Variants in PPP2R5C observed in about 807,000 individuals in gnomAD.
PPP2R5C encodes serine/threonine-protein phosphatase 2A 56 kDa regulatory subunit gamma isoform.
PPP2R5C carries 7 observed loss-of-function variants against 68.9 expected under a neutral mutation model. That is an observed-to-expected ratio of 0.10 (90% CI 0.06 to 0.19). The LOEUF (loss-of-function observed/expected upper bound fraction) is 0.19, where lower values mean the gene tolerates loss of function less well. Ranked by LOEUF, PPP2R5C falls within the 10% of genes least tolerant of loss-of-function variation. The probability of loss-of-function intolerance (pLI) is 1.00; values close to 1 mark genes in which losing one functional copy is unlikely to be tolerated. For missense variants in PPP2R5C, 348 were observed against 641.3 expected, an observed-to-expected ratio of 0.54 and a Z score of 4.94; for synonymous variants, 210 against 222.2, an observed-to-expected ratio of 0.95 and a Z score of 0.49.
chr14:101,876,657 A>C (rs1440638588), intron 2 of PPP2R5C, among the ~76,000 whole-genome samples: 1 of 152,226 alleles, frequency 6.6e-6, no homozygotes, highest in Non-Finnish European at 1.5e-5. Flanking sequence ...GTAAGTACTG[A>C]AAGTGGAAGT....
At chr14:101,846,261 G>A (rs75938019) in intron 1 of PPP2R5C, among the ~76,000 whole-genome samples, 1,666 of 152,292 alleles carry the variant, frequency 0.011, 34 homozygotes, top group African/African-American at 0.036. Flanking sequence ...CCTGAGCAGA[G>A]GCACATGTGT....
At chr14:101,829,062 A>G (rs1318716040) in intron 1 of PPP2R5C, among the ~76,000 whole-genome samples, 5 of 152,166 alleles carry the variant, frequency 3.3e-5, no homozygotes, top group Non-Finnish European at 5.9e-5. Flanking sequence ...AAATATCCTC[A>G]GGATAAATCT....
rs142445018 is a variant in PPP2R5C at position 101,866,524 on chromosome 14, G to T, written c.294+9639G>T. The stretch of plus-strand genomic sequence containing the variant: ...ATCTCTACTAAAAATACAAAAATTA[G>T]CTGGGCATGGTGTTGCACACCTGTA... On this transcript the variant is annotated intron_variant, in intron 2 of 13. Transcript: ENST00000334743. Among the ~76,000 whole-genome samples the T allele has an allele frequency of 7.7e-3, 1,171 of 152,220 alleles. 12 individuals are homozygous for T. Among genetic ancestry groups the T allele is most frequent in the African/African-American group, 0.022 (913 of 41,514 alleles).
At chr14:101,919,969 C>CCAAAAAAAAAAAAAAAAAAAAAAAAA (rs775818748) in intron 13 of PPP2R5C, among the ~76,000 whole-genome samples, 2 of 52,880 alleles carry the variant, frequency 3.8e-5, no homozygotes, top group African/African-American at 1.8e-4. Context: ...AACTCCGTCT[C>CCAAAAAAAAAAAAAAAAAAAAAAAAA]AAAAAAAAAA....
chr14:101,919,975 A>AAAAAAAAAAAAAC (rs2046918103), intron 13 of PPP2R5C, among the ~76,000 whole-genome samples: 2 of 148,662 alleles, frequency 1.3e-5, no homozygotes, highest in Admixed American at 6.6e-5. Flanking sequence ...GTCTCAAAAA[A>AAAAAAAAAAAAAC]AAAAAAAAAA....
At chr14:101,918,017 G>A in intron 13 of PPP2R5C, 70 bp downstream of exon 15, 5 of 1,603,270 alleles carry the variant, frequency 3.1e-6, no homozygotes, top group Non-Finnish European at 4.3e-6. Flanking sequence ...TTTTGTAGGC[G>A]ATGTGATTTG....
intron 13 of PPP2R5C, among the ~76,000 whole-genome samples, chr14:101,922,488 CAAAAAT>C (rs1194003649): frequency 5.0e-5 from 5 of 99,872 alleles, no homozygotes; most frequent in African/African-American, 7.5e-5. Flanking sequence ...GACTCTGTGT[CAAAAAT>C]AAATATAAAA....
intron 2 of PPP2R5C, among the ~76,000 whole-genome samples, chr14:101,864,986 A>G (rs1230088442): frequency 1.3e-5 from 2 of 152,288 alleles, no homozygotes; most frequent in Admixed American, 6.5e-5. Context: ...GATGGCAGAG[A>G]GAAATGGGCA....
At chr14:101,761,478 A>C (rs1401168528), upstream of PPP2R5C, among the ~76,000 whole-genome samples, 1 of 140,418 alleles carries the variant, frequency 7.1e-6, no homozygotes, top group African/African-American at 2.9e-5. Context: ...CGGGGGCGTG[A>C]ACGGGTCGCG....
intron 1 of PPP2R5C, among the ~76,000 whole-genome samples, chr14:101,852,269 G>A (rs866927479): frequency 6.6e-6 from 1 of 152,010 alleles, no homozygotes; most frequent in African/African-American, 2.4e-5. Flanking sequence ...CCAGTGAAAC[G>A]CATTCAATTT....
chr14:101,772,328 G>C (rs1388911105), intron 2 of PPP2R5C, among the ~76,000 whole-genome samples: 2 of 151,902 alleles, frequency 1.3e-5, no homozygotes, highest in Non-Finnish European at 2.9e-5. Flanking sequence ...GTCTGTGGTT[G>C]GCCTACACCT....
intron 1 of PPP2R5C, chr14:101,824,076 G>C (rs1215662995): frequency 7.8e-7 from 1 of 1,289,028 alleles, no homozygotes; most frequent in Non-Finnish European, 1.0e-6. Flanking sequence ...CAGACTCCAG[G>C]ACTGACTTTC....
At chr14:101,894,214 G>C (rs977973116) in intron 7 of PPP2R5C, among the ~76,000 whole-genome samples, 1 of 152,194 alleles carries the variant, frequency 6.6e-6, no homozygotes, top group Admixed American at 6.5e-5. Context: ...ATGACTCGTT[G>C]ATTGTAGTCT....
intron 1 of PPP2R5C, among the ~76,000 whole-genome samples, chr14:101,810,817 A>G (rs961412815): frequency 5.3e-5 from 8 of 152,198 alleles, no homozygotes; most frequent in African/African-American, 1.9e-4. Context: ...TACTCTAGTA[A>G]TTAATAGCGG....
intron 13 of PPP2R5C, among the ~76,000 whole-genome samples, chr14:101,924,690 C>G (rs922966059): frequency 5.9e-5 from 9 of 152,008 alleles, no homozygotes; most frequent in African/African-American, 2.2e-4. Context: ...ATCCGTCCGC[C>G]TCGGCCTCCC....
intron 1 of PPP2R5C, among the ~76,000 whole-genome samples, chr14:101,811,036 G>C (rs1178892444): frequency 6.6e-6 from 1 of 152,188 alleles, no homozygotes; most frequent in Non-Finnish European, 1.5e-5. Context: ...AAGATTTCTA[G>C]GTGACTAATA....
intron 3 of PPP2R5C, among the ~76,000 whole-genome samples, chr14:101,796,198 T>C (rs2038599202): frequency 6.6e-6 from 1 of 152,222 alleles, no homozygotes; most frequent in African/African-American, 2.4e-5. Context: ...TATGCATATA[T>C]TTACAGGAAC....
intron 3 of PPP2R5C, among the ~76,000 whole-genome samples, chr14:101,802,107 A>AC (rs1367491918): frequency 1.3e-5 from 2 of 152,214 alleles, no homozygotes; most frequent in African/African-American, 4.8e-5. Flanking sequence ...CTGGGTACTC[A>AC]CATGCAAAAG....
intron 3 of PPP2R5C, among the ~76,000 whole-genome samples, chr14:101,803,515 G>T (rs998182971): frequency 5.9e-5 from 9 of 152,076 alleles, no homozygotes; most frequent in Non-Finnish European, 4.4e-5. Flanking sequence ...ACGAGGTCAG[G>T]CGATTGAGAC....
Sources: gnomAD v4.1 joint callset for allele counts (sites outside exome capture counted in the v4.1 genomes callset) on GRCh38, gnomAD v4.1.1 for gene constraint, MANE v1.5 for transcripts, NCBI Gene and HGNC (gene_info 2026-07-23, HGNC 2026-07-21) for gene names.